Variants in CAPN9 observed in about 807,000 individuals in gnomAD.
CAPN9 encodes calpain-9.
CAPN9 carries 81 observed loss-of-function variants against 92.8 expected under a neutral mutation model. That is an observed-to-expected ratio of 0.87 (90% CI 0.73 to 1.05). CAPN9 has a LOEUF of 1.05. Ranked by LOEUF, CAPN9 falls within the 50% of genes least tolerant of loss-of-function variation. The pLI is 0.00. For synonymous variants in CAPN9, 304 were observed against 328.0 expected, an observed-to-expected ratio of 0.93 and a Z score of 0.79; for missense variants, 848 against 866.2, an observed-to-expected ratio of 0.98 and a Z score of 0.26.
rs369748875 is a variant in CAPN9, at chr1:230,783,010, C to A, written c.1481+2302C>A. On this transcript the variant is annotated intron_variant, in intron 11 of 19. Coordinates refer to ENST00000271971, the MANE Select transcript of CAPN9 (RefSeq NM_006615.3). ...CCAGCCTGTGCCACAGAGTGAGACT[C>A]CGTCTAAAAAAAATGGTGGTTTTTT... 6.6e-5 allele frequency among the ~76,000 whole-genome samples: 10 copies of A among 152,142 alleles called. No individual in the cohort carries two copies. In the East Asian group the frequency reaches 1.5e-3, roughly 24 times the overall value.
At chr1:230,790,433 A>T in intron 14 of CAPN9, 2 of 365,548 alleles carry the variant, frequency 5.5e-6, no homozygotes, top group Non-Finnish European at 7.6e-6. Context: ...TGATCTCACC[A>T]CCATAAATAA....
chr1:230,772,135 C>T (rs372074785), intron 7 of CAPN9, 36 bp downstream of exon 7: 21 of 1,569,850 alleles, frequency 1.3e-5, no homozygotes, highest in African/African-American at 2.7e-5. Context: ...GGCTGGTTCC[C>T]GGGGCGTGTG....
chr1:230,753,245 A>C (rs1217923642), intron 1 of CAPN9, among the ~76,000 whole-genome samples: 1 of 152,202 alleles, frequency 6.6e-6, no homozygotes, highest in Non-Finnish European at 1.5e-5. Flanking sequence ...GGCAGAGGAC[A>C]GGCCAGCATT....
At chr1:230,751,537 GAT>G (rs894064846) in intron 1 of CAPN9, among the ~76,000 whole-genome samples, 11 of 127,626 alleles carry the variant, frequency 8.6e-5, no homozygotes, top group Non-Finnish European at 1.4e-4. Context: ...GAGAAAGAAA[GAT>G]AGAAAAAAAG....
intron 18 of CAPN9, among the ~76,000 whole-genome samples, chr1:230,795,951 C>G (rs946087859): frequency 2.0e-5 from 3 of 151,784 alleles, no homozygotes; most frequent in Non-Finnish European, 4.4e-5. Flanking sequence ...GAGCAGGGGG[C>G]CCCGCATTTC....
At chr1:230,777,750 A>T (rs1366819140) in intron 8 of CAPN9, among the ~76,000 whole-genome samples, 1 of 151,944 alleles carries the variant, frequency 6.6e-6, no homozygotes, top group African/African-American at 2.4e-5. Context: ...ATCTTGATCC[A>T]TCAGGAGCCC....
At chr1:230,767,405 C>T in intron 4 of CAPN9, 136 bp from the exon 5 acceptor site, 1 of 661,968 alleles carries the variant, frequency 1.5e-6, no homozygotes, top group South Asian at 2.4e-5. Flanking sequence ...TGCTTCCCGT[C>T]TTCCTTCCAC....
chr1:230,775,331 G>A (rs1269929112), intron 8 of CAPN9, among the ~76,000 whole-genome samples: 1 of 152,128 alleles, frequency 6.6e-6, no homozygotes, highest in Non-Finnish European at 1.5e-5. Flanking sequence ...CTTGATGAGA[G>A]GTACCTTTGA....
intron 13 of CAPN9, 85 bp downstream of exon 13, chr1:230,787,687 T>A: frequency 8.9e-7 from 1 of 1,125,942 alleles, no homozygotes; most frequent in East Asian, 2.4e-5. Flanking sequence ...GTGGGGTTGG[T>A]CAGCAACGTC....
chr1:230,776,629 CA>C (rs1666801942), intron 8 of CAPN9: 1 of 152,190 alleles, frequency 6.6e-6, no homozygotes, highest in Non-Finnish European at 1.5e-5. Context: ...TTTCCTCACT[CA>C]TTATGACAGT....
intron 18 of CAPN9, among the ~76,000 whole-genome samples, chr1:230,797,635 G>C (rs1296469906): frequency 6.6e-6 from 1 of 152,172 alleles, no homozygotes; most frequent in Admixed American, 6.5e-5. Flanking sequence ...AGGTGAGGAG[G>C]CTGAGGCCCC....
intron 7 of CAPN9, 117 bp downstream of exon 7, chr1:230,772,216 G>A (rs998271649): frequency 3.6e-6 from 3 of 828,838 alleles, no homozygotes; most frequent in African/African-American, 1.7e-5. Flanking sequence ...TCTGACTCAG[G>A]ATCCTGTCCC....
intron 7 of CAPN9, among the ~76,000 whole-genome samples, chr1:230,772,946 G>A (rs867502682): frequency 1.3e-5 from 2 of 152,034 alleles, no homozygotes; most frequent in African/African-American, 4.8e-5. Flanking sequence ...TTGTGTGGGT[G>A]CGTGGCAGGG....
chr1:230,778,737 T>C (rs963051799), intron 8 of CAPN9, among the ~76,000 whole-genome samples: 2 of 152,240 alleles, frequency 1.3e-5, no homozygotes, highest in Non-Finnish European at 2.9e-5. Context: ...ATTTGGTTTT[T>C]CTCTGTAGCA....
rs28359644 is a variant in CAPN9, at chr1:230,767,705, T to C, written c.701T>C (p.Ile234Thr). The change falls in exon 5 of 20, where the codon ATT (isoleucine) becomes ACT (threonine). Residue 234 changes from isoleucine (I) to threonine (T), a missense_variant. Ile to Thr is a moderately conservative substitution (Grantham distance 89). Transcript: ENST00000271971. ...AGAGGCTCCCTGCTGGGCTGCTTCA[T>C]TGATGTAAGTTGCTCATGGGCTCCC... Reference protein sequence around the residue: ...LKRGSLLGCFIDTRSAAESEA... With the variant: ...LKRGSLLGCFTDTRSAAESEA... The C allele has an allele frequency of 1.4e-3, 2,228 of 1,611,400 alleles. 29 individuals carry two copies. In the African/African-American group the frequency reaches 0.024, roughly 17 times the overall value.
At position 230,751,585 on chromosome 1, in the gene CAPN9, CAAAGAAAGAAAGAAAGAAAGAAAG is replaced by C. The variant is rs150498348; in HGVS notation, c.214-3750_214-3727del. ...GAGAAAGAAAGAAAGAAGAAAGAAA[CAAAGAAAGAAAGAAAGAAAGAAAG>C]AGAAAGAAAGAAAGAAAGAAAGAAA... is the stretch of plus-strand genomic sequence containing the variant. On this transcript the variant is annotated intron_variant, in intron 1 of 19. Transcript: ENST00000271971. Among the ~76,000 whole-genome samples the C allele has an allele frequency of 5.3e-3, 304 of 57,480 alleles. 9 individuals carry two copies. Among genetic ancestry groups the C allele is most frequent in the African/African-American group, 0.022 (275 of 12,494 alleles). The allele number at this position is 57,480 out of a possible 152,430, so 37.7% of individuals were successfully genotyped here. A position where few individuals can be genotyped will look rare whatever the true frequency, so the allele number is the denominator to read the frequency against.
At chr1:230,789,245 GA>G (rs28359701) in intron 13 of CAPN9, among the ~76,000 whole-genome samples, 17,545 of 151,386 alleles carry the variant, frequency 0.12, 1,692 homozygotes, top group African/African-American at 0.26. Flanking sequence ...GGCATCCTGG[GA>G]AAAAAAACAC....
intron 1 of CAPN9, among the ~76,000 whole-genome samples, chr1:230,753,072 T>C (rs1389166520): frequency 6.6e-6 from 1 of 152,098 alleles, no homozygotes; most frequent in Non-Finnish European, 1.5e-5. Context: ...TTCCTACAGA[T>C]GAGAGGGGTC....
intron 11 of CAPN9, among the ~76,000 whole-genome samples, chr1:230,782,750 C>T (rs1222630172): frequency 1.3e-5 from 2 of 152,156 alleles, no homozygotes; most frequent in African/African-American, 4.8e-5. Flanking sequence ...GGCACGGTGG[C>T]TCATGCCTGT....
Sources: gnomAD v4.1 joint callset for allele counts (sites outside exome capture counted in the v4.1 genomes callset) on GRCh38, gnomAD v4.1.1 for gene constraint, MANE v1.5 for transcripts, NCBI Gene and HGNC (gene_info 2026-07-23, HGNC 2026-07-21) for gene names.